Variants in LMF1 observed in about 807,000 individuals in gnomAD.
LMF1 encodes lipase maturation factor 1.
A neutral mutation model predicts 60.6 loss-of-function variants in LMF1; 68 were observed. The ratio of observed to expected loss-of-function variants is 1.12; its 90% CI spans 0.92 to 1.37. The LOEUF is 1.37. Ranked by LOEUF, LMF1 falls within the 40% of genes most tolerant of loss-of-function variation. The probability of loss-of-function intolerance (pLI) is 0.00; values close to 1 mark genes in which losing one functional copy is unlikely to be tolerated. For missense variants in LMF1, 948 were observed against 767.2 expected (o/e 1.24, Z -2.78); for synonymous variants, 418 against 324.7 (o/e 1.29, Z -3.09).
intron 3 of LMF1, chr16:933,916 A>G (rs2071864057): frequency 3.1e-6 from 4 of 1,308,298 alleles, no homozygotes; most frequent in Non-Finnish European, 4.0e-6. Flanking sequence ...CGAGGGGCAC[A>G]CAGCCTTGAG....
At chr16:861,214 T>G (rs1196446194) in intron 10 of LMF1, among the ~76,000 whole-genome samples, 1 of 152,148 alleles carries the variant, frequency 6.6e-6, no homozygotes, top group African/African-American at 2.4e-5. Context: ...GTATTTCGCT[T>G]TTTGGAGTGG....
intron 3 of LMF1, among the ~76,000 whole-genome samples, chr16:931,288 C>T (rs1302500066): frequency 6.6e-6 from 1 of 152,250 alleles, no homozygotes; most frequent in Non-Finnish European, 1.5e-5. Flanking sequence ...GGTGGGGGCC[C>T]TGGAAGCCTG....
At chr16:971,068 T>C (rs1487944195), upstream of LMF1, 6 of 1,291,904 alleles carry the variant, frequency 4.6e-6, no homozygotes, top group African/African-American at 9.4e-5. Flanking sequence ...TGGCCGGCCC[T>C]GCCCACGGCC....
At chr16:959,798 C>G (rs565703080) in intron 1 of LMF1, among the ~76,000 whole-genome samples, 6 of 150,856 alleles carry the variant, frequency 4.0e-5, no homozygotes, top group Non-Finnish European at 8.8e-5. Flanking sequence ...TTCCCACTAG[C>G]AGAGAGGGAG....
intron 2 of LMF1, among the ~76,000 whole-genome samples, chr16:939,618 G>A (rs930294434): frequency 5.3e-5 from 8 of 152,212 alleles, no homozygotes; most frequent in South Asian, 2.1e-4. Flanking sequence ...GCGGCGACCC[G>A]GCCCACTCTC....
chr16:922,356 G>A (rs906350324), intron 3 of LMF1, among the ~76,000 whole-genome samples: 4 of 152,230 alleles, frequency 2.6e-5, no homozygotes, highest in African/African-American at 4.8e-5. Flanking sequence ...AGCCCACAGC[G>A]ACTGGTAGCC....
intron 1 of LMF1, chr16:980,132 TGCAGAGATGAGACCG>T: frequency 3.9e-6 from 1 of 254,042 alleles, no homozygotes; most frequent in Admixed American, 4.9e-5. Context: ...CTGACCTGGC[TGCAGAGATGAGACCG>T]CCCTCCGGGC....
chr16:929,844 G>C (rs1023112025), intron 3 of LMF1, among the ~76,000 whole-genome samples: 1 of 152,378 alleles, frequency 6.6e-6, no homozygotes, highest in African/African-American at 2.4e-5. Context: ...AGTCACGTCC[G>C]TCTGTGAACG....
At chr16:926,493 CGT>C (rs1170071790) in intron 3 of LMF1, among the ~76,000 whole-genome samples, 10 of 152,212 alleles carry the variant, frequency 6.6e-5, no homozygotes, top group African/African-American at 2.2e-4. Context: ...CATGTGCGCA[CGT>C]GTGTTTGCAC....
At chr16:975,289 T>C (rs916608419), upstream of LMF1, among the ~76,000 whole-genome samples, 1 of 152,066 alleles carries the variant, frequency 6.6e-6, no homozygotes, top group African/African-American at 2.4e-5. Flanking sequence ...TGTTCTCCGG[T>C]TGCAGGGCCC....
intron 10 of LMF1, among the ~76,000 whole-genome samples, chr16:866,678 G>A (rs1207267548): frequency 6.6e-6 from 1 of 152,148 alleles, no homozygotes. Context: ...GTGTGGGTGG[G>A]GCCATGGTTT....
At chr16:915,784 T>A (rs2071262690) in intron 3 of LMF1, among the ~76,000 whole-genome samples, 1 of 152,000 alleles carries the variant, frequency 6.6e-6, no homozygotes, top group South Asian at 2.1e-4. Flanking sequence ...GTGGGGCGAC[T>A]GCGGTGCCTC....
chr16:930,864 T>A (rs1024418214), intron 3 of LMF1, among the ~76,000 whole-genome samples: 13 of 152,186 alleles, frequency 8.5e-5, no homozygotes, highest in African/African-American at 2.9e-4. Context: ...CTCATGCCTG[T>A]AATCCCAGCA....
intron 1 of LMF1, among the ~76,000 whole-genome samples, chr16:967,012 G>C (rs535899678): frequency 1.5e-4 from 23 of 152,362 alleles, no homozygotes; most frequent in Middle Eastern, 6.8e-3. Flanking sequence ...AACCCACCCA[G>C]GGTGGGCAGC....
chr16:943,202 T>C (rs1212888679), intron 2 of LMF1, among the ~76,000 whole-genome samples: 4 of 150,458 alleles, frequency 2.7e-5, no homozygotes, highest in Non-Finnish European at 5.9e-5. Context: ...AAACCCTGTC[T>C]CTACTAAAAA....
intron 4 of LMF1, chr16:898,981 G>A (rs1192206061): frequency 6.6e-6 from 1 of 152,262 alleles, no homozygotes. Context: ...GAGCTGAACT[G>A]TGCGGTTGGG....
intron 2 of LMF1, 66 bp from the exon 3 acceptor site, chr16:934,320 C>T: frequency 6.3e-7 from 1 of 1,588,822 alleles, no homozygotes; most frequent in Non-Finnish European, 8.5e-7. Flanking sequence ...CCCACTGTTT[C>T]CCCACTGAGT....
chr16:929,456 G>A (rs1314621141), intron 3 of LMF1, among the ~76,000 whole-genome samples: 1 of 152,212 alleles, frequency 6.6e-6, no homozygotes, highest in Non-Finnish European at 1.5e-5. Flanking sequence ...GGCAAAGGCG[G>A]TCTGGTCCTG....
intron 1 of LMF1, among the ~76,000 whole-genome samples, chr16:957,793 C>A (rs182601854): frequency 5.5e-4 from 83 of 152,226 alleles, no homozygotes; most frequent in African/African-American, 1.9e-3. Context: ...TGCCCCCGAC[C>A]CGACACACAG....
Sources: allele counts gnomAD v4.1 joint callset (sites outside exome capture counted in the v4.1 genomes callset), GRCh38; gene constraint gnomAD v4.1.1; transcripts MANE v1.5; gene names NCBI Gene and HGNC (gene_info 2026-07-23, HGNC 2026-07-21).